The following PBX1 variants were observed in gnomAD, a reference collection of about 807,000 sequenced individuals.
The protein encoded by PBX1 is PBX homeobox 1.
PBX1 carries 6 observed loss-of-function variants against 53.4 expected under a neutral mutation model. The observed-to-expected ratio is 0.11, with a 90% CI of 0.06 to 0.22. The LOEUF is 0.22. Among genes scored for constraint, PBX1 ranks in the 10% least tolerant of loss-of-function variants. The probability of loss-of-function intolerance (pLI) is 1.00; values close to 1 mark genes in which losing one functional copy is unlikely to be tolerated. For missense variants in PBX1, 251 were observed against 551.4 expected (o/e 0.46, Z 5.46); for synonymous variants, 204 against 212.3 (o/e 0.96, Z 0.34).
intron 2 of PBX1, among the ~76,000 whole-genome samples, chr1:164,738,708 G>GA (rs1665429076): frequency 6.6e-6 from 1 of 152,212 alleles, no homozygotes; most frequent in Non-Finnish European, 1.5e-5. Flanking sequence ...GATAGTGATA[G>GA]AAGTAGGCAT....
chr1:164,667,078 T>A (rs2101962774), intron 2 of PBX1, among the ~76,000 whole-genome samples: 1 of 152,326 alleles, frequency 6.6e-6, no homozygotes, highest in Admixed American at 6.5e-5. Context: ...TTCTGCCCAT[T>A]CTAGTTAATT....
At chr1:164,600,584 C>T (rs1656102101) in intron 2 of PBX1, among the ~76,000 whole-genome samples, 1 of 152,162 alleles carries the variant, frequency 6.6e-6, no homozygotes, top group Non-Finnish European at 1.5e-5. Context: ...GCCTGCATTC[C>T]CTCTCTTGCC....
chr1:164,755,405 T>C (rs1666458470), intron 2 of PBX1, among the ~76,000 whole-genome samples: 1 of 152,164 alleles, frequency 6.6e-6, no homozygotes, highest in Non-Finnish European at 1.5e-5. Context: ...CACCCTGGCC[T>C]CCCAAAGTGC....
At chr1:164,668,106 G>A (rs919745529) in intron 2 of PBX1, among the ~76,000 whole-genome samples, 3 of 151,940 alleles carry the variant, frequency 2.0e-5, no homozygotes, top group African/African-American at 7.3e-5. Context: ...CCTCCTTTAC[G>A]TTTGGTCAGG....
chr1:164,623,154 T>C (rs1356331572), intron 2 of PBX1, among the ~76,000 whole-genome samples: 1 of 152,128 alleles, frequency 6.6e-6, no homozygotes, highest in African/African-American at 2.4e-5. Flanking sequence ...TTCTCTCTTC[T>C]CTAGATGTAG....
chr1:164,786,720 T>TGTGTGTGTGTGTGTGTGTGTGCGC (rs1357886882), intron 2 of PBX1, among the ~76,000 whole-genome samples: 1 of 116,252 alleles, frequency 8.6e-6, no homozygotes, highest in African/African-American at 3.5e-5. Flanking sequence ...TGTGTGTGTG[T>TGTGTGTGTGTGTGTGTGTGTGCGC]GCGCGCGCAC....
chr1:164,709,710 T>C (rs924480459), intron 2 of PBX1, among the ~76,000 whole-genome samples: 8 of 152,140 alleles, frequency 5.3e-5, no homozygotes, highest in African/African-American at 1.9e-4. Context: ...TGAAAAGCCA[T>C]GAAAAAAAGA....
intron 2 of PBX1, among the ~76,000 whole-genome samples, chr1:164,756,468 A>G (rs1279382320): frequency 6.6e-6 from 1 of 152,244 alleles, no homozygotes; most frequent in African/African-American, 2.4e-5. Context: ...ACATATGCTT[A>G]TAATCATATT....
intron 2 of PBX1, among the ~76,000 whole-genome samples, chr1:164,866,047 A>C (rs1032639916): frequency 6.6e-6 from 1 of 152,234 alleles, no homozygotes; most frequent in Non-Finnish European, 1.5e-5. Context: ...TGCAATCTGG[A>C]GATAAATATC....
intron 2 of PBX1, among the ~76,000 whole-genome samples, chr1:164,862,296 A>G (rs1263695870): frequency 6.6e-6 from 1 of 152,056 alleles, no homozygotes; most frequent in Non-Finnish European, 1.5e-5. Context: ...ATGCTAGAAC[A>G]CCTTCCCGGG....
chr1:164,868,447 C>A (rs903886308), intron 2 of PBX1, among the ~76,000 whole-genome samples: 5 of 152,150 alleles, frequency 3.3e-5, no homozygotes, highest in Non-Finnish European at 7.4e-5. Flanking sequence ...ACTTCATCTA[C>A]AGGGACCCTA....
rs1671760338 is a variant in PBX1 at position 164,850,151 on chromosome 1, C to G, written c.*3475C>G. The G allele has an allele frequency of 4.4e-6, 1 of 227,948 alleles. No individual in the cohort carries two copies. The allele number at this position is 227,948 out of a possible 1,614,324, so 14.1% of individuals were successfully genotyped here. A position where few individuals can be genotyped will look rare whatever the true frequency, so the allele number is the denominator to read the frequency against. On this transcript the variant is annotated 3_prime_UTR_variant, in exon 9 of 9. Coordinates refer to ENST00000420696, the MANE Select transcript of PBX1 (RefSeq NM_002585.4). ...GGATGGGGAATTTCCCCTCTTCTTT[C>G]TGTGACAATGCGCATCATTCCTGCA... is the stretch of plus-strand genomic sequence containing the variant.
At chr1:164,754,087 G>A (rs1465651082) in intron 2 of PBX1, among the ~76,000 whole-genome samples, 1 of 152,198 alleles carries the variant, frequency 6.6e-6, no homozygotes, top group Non-Finnish European at 1.5e-5. Flanking sequence ...CTGAGCAGGT[G>A]GGGGACTTAG....
At chr1:164,808,439 T>C (rs1475934127) in intron 5 of PBX1, among the ~76,000 whole-genome samples, 1 of 152,212 alleles carries the variant, frequency 6.6e-6, no homozygotes, top group Non-Finnish European at 1.5e-5. Flanking sequence ...TGGTTTCTAA[T>C]TGAGAACCAT....
At chr1:164,647,284 A>G (rs1258111906) in intron 2 of PBX1, among the ~76,000 whole-genome samples, 1 of 152,174 alleles carries the variant, frequency 6.6e-6, no homozygotes, top group East Asian at 1.9e-4. Flanking sequence ...CCGTTGGAGG[A>G]GGAACCACTA....
rs562664274 is a variant in PBX1, at chr1:164,690,616, T to A, written c.266-101878T>A. Among the ~76,000 whole-genome samples the A allele has an allele frequency of 2.8e-5, 4 of 144,200 alleles. No individual in the cohort carries two copies. In the East Asian group the frequency reaches 8.2e-4, roughly 30 times the overall value. The allele number at this position is 144,200 out of a possible 152,430, so 94.6% of individuals were successfully genotyped here. ...ACTCTGTCTCTAAAAGAAGAAAAAA[T>A]TTAAGCTTTTCTTAAAAAAAAAAAA... On this transcript the variant is annotated intron_variant, in intron 2 of 8. Transcript: ENST00000420696.
chr1:164,723,383 C>T (rs1664512293), intron 2 of PBX1, among the ~76,000 whole-genome samples: 1 of 152,034 alleles, frequency 6.6e-6, no homozygotes, highest in African/African-American at 2.4e-5. Flanking sequence ...TTCCCAGAAG[C>T]TGGCAGTCTC....
chr1:164,597,402 TATAAC>T (rs1465652943), intron 2 of PBX1, among the ~76,000 whole-genome samples: 1 of 152,182 alleles, frequency 6.6e-6, no homozygotes, highest in Non-Finnish European at 1.5e-5. Flanking sequence ...ACTTGGAAAA[TATAAC>T]ATAGTTCTAT....
At chr1:164,725,644 G>A (rs1178608031) in intron 2 of PBX1, among the ~76,000 whole-genome samples, 1 of 152,078 alleles carries the variant, frequency 6.6e-6, no homozygotes, top group Non-Finnish European at 1.5e-5. Context: ...TTAAACCATT[G>A]CATGTCTAAC....
Sources: allele counts gnomAD v4.1 joint callset (sites outside exome capture counted in the v4.1 genomes callset), GRCh38; gene constraint gnomAD v4.1.1; transcripts MANE v1.5; gene names NCBI Gene and HGNC (gene_info 2026-07-23, HGNC 2026-07-21).